IGSF21: variants seen among roughly 807,000 people sequenced by gnomAD.
IGSF21 encodes immunoglobulin superfamily member 21.
In IGSF21, 28 loss-of-function variants were observed where a neutral mutation model predicts 46.8. The ratio of observed to expected loss-of-function variants is 0.60; its 90% confidence interval spans 0.44 to 0.82. The LOEUF is 0.82. Ranked by LOEUF, IGSF21 falls within the 40% of genes least tolerant of loss-of-function variation. The pLI is 0.00. For missense variants in IGSF21, 624 were observed against 665.5 expected, an observed-to-expected ratio of 0.94 and a Z score of 0.69; for synonymous variants, 284 against 273.6, an observed-to-expected ratio of 1.04 and a Z score of -0.38.
intron 3 of IGSF21, among the ~76,000 whole-genome samples, chr1:18,307,146 G>T (rs1394166018): frequency 1.3e-5 from 2 of 149,258 alleles, no homozygotes; most frequent in African/African-American, 4.9e-5. Context: ...GCCATGTCTT[G>T]TTTTTTTTTT....
chr1:18,108,985 A>AGTGTGT (rs10686337), intron 1 of IGSF21, among the ~76,000 whole-genome samples: 1,489 of 127,854 alleles, frequency 0.012, 15 homozygotes, highest in African/African-American at 0.017. Flanking sequence ...TGAGCAGCTC[A>AGTGTGT]GTGTGTGTGT....
chr1:18,136,415 C>T lies in IGSF21; in HGVS notation c.70+28217C>T, dbSNP rs1321578798. Reference sequence around the variant, plus strand: ...AGGTCTGACATGTAAGTCTTTAATCCATCTTGAATTAATTGTTGTATAAAG... The same window carrying T: ...AGGTCTGACATGTAAGTCTTTAATCTATCTTGAATTAATTGTTGTATAAAG... On this transcript the variant is annotated intron_variant, in intron 1 of 9. Transcript: ENST00000251296. Among the ~76,000 whole-genome samples the T allele has an allele frequency of 3.9e-5, 6 of 152,114 alleles. No individual in the cohort carries two copies. In the East Asian group the frequency reaches 7.7e-4, roughly 20 times the overall value.
chr1:18,156,621 T>C (rs1254939370), intron 1 of IGSF21, among the ~76,000 whole-genome samples: 1 of 152,176 alleles, frequency 6.6e-6, no homozygotes, highest in Non-Finnish European at 1.5e-5. Flanking sequence ...GTCTGTGGCA[T>C]TCTGGGTCTC....
At chr1:18,161,759 G>A (rs1376822138) in intron 1 of IGSF21, among the ~76,000 whole-genome samples, 1 of 152,146 alleles carries the variant, frequency 6.6e-6, no homozygotes, top group African/African-American at 2.4e-5. Flanking sequence ...GCGGTGGGAG[G>A]AGGCCAAATA....
intron 6 of IGSF21, chr1:18,375,911 C>T (rs559865267): frequency 2.6e-5 from 5 of 195,080 alleles, no homozygotes; most frequent in East Asian, 1.1e-4. Flanking sequence ...GCTGCTCCCC[C>T]TCAGCAGCCT....
chr1:18,108,368 G>C (rs2086111116), intron 1 of IGSF21, among the ~76,000 whole-genome samples, 170 bp downstream of exon 1: 1 of 152,120 alleles, frequency 6.6e-6, no homozygotes, highest in South Asian at 2.1e-4. Flanking sequence ...ACGCCTCTTG[G>C]AGAGCGCTCA....
At chr1:18,278,180 A>T (rs2085121026) in intron 2 of IGSF21, among the ~76,000 whole-genome samples, 1 of 151,738 alleles carries the variant, frequency 6.6e-6, no homozygotes, top group East Asian at 1.9e-4. Context: ...GTGGGGGGAG[A>T]TATGATAAAG....
At chr1:18,200,881 G>A (rs1242323120) in intron 1 of IGSF21, among the ~76,000 whole-genome samples, 1 of 152,086 alleles carries the variant, frequency 6.6e-6, no homozygotes, top group Non-Finnish European at 1.5e-5. Context: ...TTTTACCCCA[G>A]CCCCATGAGG....
intron 3 of IGSF21, among the ~76,000 whole-genome samples, chr1:18,300,904 G>A (rs2085354752): frequency 6.6e-6 from 1 of 152,110 alleles, no homozygotes; most frequent in Admixed American, 6.5e-5. Context: ...TTCCTCCCTG[G>A]TTCTCATCTC....
In IGSF21 at chr1:18,225,085, T is replaced by TCTCTCTCTCTCTCACACACA; in HGVS notation, c.71-2812_71-2811insTCTCTCTCTCTCACACACAC. ...GTATCTCTCTCTCTCTCTCTCTCTCTCACACACACACACACACACACACAC... is the reference window on the plus strand; with the variant it reads ...GTATCTCTCTCTCTCTCTCTCTCTCTCTCTCTCTCTCTCACACACACACACACACACACACACACACACAC... On this transcript the variant is annotated intron_variant, in intron 1 of 9. Transcript: ENST00000251296. 1.4e-3 allele frequency among the ~76,000 whole-genome samples: 72 copies of TCTCTCTCTCTCTCACACACA among 51,588 alleles called. 1 individual carries two copies. Among genetic ancestry groups the TCTCTCTCTCTCTCACACACA allele is most frequent in the Admixed American group, 4.0e-3 (19 of 4,810 alleles). 33.8% of individuals were successfully genotyped at this position (51,588 alleles called of 152,430 possible). A position where few individuals can be genotyped will look rare whatever the true frequency, so the allele number is the denominator to read the frequency against.
chr1:18,260,455 G>A (rs77324663), intron 2 of IGSF21, among the ~76,000 whole-genome samples: 22,884 of 152,246 alleles, frequency 0.15, 1,860 homozygotes, highest in Non-Finnish European at 0.18. Flanking sequence ...GCGGCAGTGC[G>A]CAGCAGCCGC....
chr1:18,191,006 C>G (rs2086951084), intron 1 of IGSF21, among the ~76,000 whole-genome samples: 1 of 152,072 alleles, frequency 6.6e-6, no homozygotes, highest in Non-Finnish European at 1.5e-5. Flanking sequence ...ATTCCATGCC[C>G]CACTCTTCCT....
chr1:18,354,227 G>A (rs752555384), intron 4 of IGSF21, among the ~76,000 whole-genome samples: 1 of 152,172 alleles, frequency 6.6e-6, no homozygotes, highest in African/African-American at 2.4e-5. Flanking sequence ...TTAGCAGAAG[G>A]CCCAGTGTGT....
At chr1:18,223,590 G>A (rs1475151740) in intron 1 of IGSF21, among the ~76,000 whole-genome samples, 1 of 152,190 alleles carries the variant, frequency 6.6e-6, no homozygotes, top group African/African-American at 2.4e-5. Context: ...CAAACTGCCT[G>A]TGCCCATGAA....
intron 1 of IGSF21, among the ~76,000 whole-genome samples, chr1:18,154,090 T>G (rs1339336863): frequency 6.6e-6 from 1 of 152,180 alleles, no homozygotes; most frequent in Non-Finnish European, 1.5e-5. Context: ...GCCCACTGTC[T>G]GTGTGTTTTA....
chr1:18,183,173 C>T (rs12087645), intron 1 of IGSF21, among the ~76,000 whole-genome samples: 7,855 of 152,270 alleles, frequency 0.052, 218 homozygotes, highest in African/African-American at 0.059. Flanking sequence ...GGCGGAGGCA[C>T]GATCTTACCT....
chr1:18,185,171 C>A (rs2086891791), intron 1 of IGSF21, among the ~76,000 whole-genome samples: 4 of 152,178 alleles, frequency 2.6e-5, no homozygotes, highest in Admixed American at 2.6e-4. Context: ...GTAGGTCCAA[C>A]ACTCTGGCTC....
intron 1 of IGSF21, among the ~76,000 whole-genome samples, chr1:18,190,935 C>G (rs1404364607): frequency 6.6e-6 from 1 of 152,096 alleles, no homozygotes; most frequent in Non-Finnish European, 1.5e-5. Flanking sequence ...GGTGGAGGAG[C>G]TGGGGGGCAT....
At chr1:18,153,556 C>T (rs925466382) in intron 1 of IGSF21, among the ~76,000 whole-genome samples, 6 of 152,186 alleles carry the variant, frequency 3.9e-5, no homozygotes, top group Admixed American at 2.6e-4. Context: ...GCAGCAGCCA[C>T]GGGGTGGATG....
Sources: allele counts gnomAD v4.1 joint callset (sites outside exome capture counted in the v4.1 genomes callset), GRCh38; gene constraint gnomAD v4.1.1; transcripts MANE v1.5; gene names NCBI Gene and HGNC (gene_info 2026-07-23, HGNC 2026-07-21).